The following NREP variants were observed in gnomAD, a reference collection of about 807,000 sequenced individuals.
NREP encodes neuronal regeneration-related protein.
NREP carries 5 observed loss-of-function variants against 8.6 expected under a neutral mutation model. That is an observed-to-expected ratio of 0.58 (90% CI 0.30 to 1.22). NREP has a LOEUF of 1.22. NREP is among the 50% of genes most tolerant of loss of function. The pLI is 0.07. For missense variants in NREP, 86 were observed against 82.5 expected, an observed-to-expected ratio of 1.04 and a Z score of -0.17; for synonymous variants, 27 against 28.0, an observed-to-expected ratio of 0.96 and a Z score of 0.11.
At chr5:111,913,828 G>A (rs1561724390) in intron 2 of NREP, among the ~76,000 whole-genome samples, 1 of 152,126 alleles carries the variant, frequency 6.6e-6, no homozygotes, top group African/African-American at 2.4e-5. Flanking sequence ...GATAAGAGAA[G>A]TAGAAGAGAA....
At chr5:111,917,642 T>A (rs1484535135) in intron 2 of NREP, among the ~76,000 whole-genome samples, 1 of 152,192 alleles carries the variant, frequency 6.6e-6, no homozygotes, top group Non-Finnish European at 1.5e-5. Flanking sequence ...GAAAAGGCCT[T>A]CGATAAAATC....
intron 2 of NREP, among the ~76,000 whole-genome samples, chr5:111,930,917 T>G (rs1365890723): frequency 6.6e-6 from 1 of 152,140 alleles, no homozygotes; most frequent in Non-Finnish European, 1.5e-5. Context: ...CACAATCCAC[T>G]TGTCCTGCTG....
intron 2 of NREP, among the ~76,000 whole-genome samples, chr5:111,749,599 T>G (rs184194859): frequency 1.3e-5 from 2 of 152,272 alleles, no homozygotes; most frequent in African/African-American, 2.4e-5. Context: ...ACATTTTCAA[T>G]AAGTATGGTT....
chr5:111,872,579 A>C (rs1458971733), intron 2 of NREP, among the ~76,000 whole-genome samples: 1 of 152,156 alleles, frequency 6.6e-6, no homozygotes, highest in Non-Finnish European at 1.5e-5. Flanking sequence ...TGTCTGTGCC[A>C]GCTGTAAGGC....
At chr5:111,861,023 G>A (rs1447189195) in intron 2 of NREP, among the ~76,000 whole-genome samples, 2 of 151,916 alleles carry the variant, frequency 1.3e-5, no homozygotes, top group African/African-American at 4.8e-5. Flanking sequence ...TAAAAACAAA[G>A]AAAAACCAAA....
chr5:111,953,613 T>C (rs868041016), intron 2 of NREP, among the ~76,000 whole-genome samples: 6 of 152,104 alleles, frequency 3.9e-5, no homozygotes, highest in Middle Eastern at 3.4e-3. Context: ...AAAGACATGG[T>C]CCCTGCCCTC....
At chr5:111,741,114 A>G (rs545607949) in intron 2 of NREP, among the ~76,000 whole-genome samples, 3 of 152,324 alleles carry the variant, frequency 2.0e-5, no homozygotes, top group South Asian at 2.1e-4. Flanking sequence ...CTATAGGGTT[A>G]AAGAATGCAC....
intron 2 of NREP, among the ~76,000 whole-genome samples, chr5:111,952,436 G>T (rs757484740): frequency 6.6e-6 from 1 of 152,084 alleles, no homozygotes; most frequent in African/African-American, 2.4e-5. Flanking sequence ...TCTTTATCTT[G>T]TGTTGGAATA....
chr5:111,961,201 C>T (rs763389244), intron 2 of NREP, among the ~76,000 whole-genome samples: 25 of 152,320 alleles, frequency 1.6e-4, no homozygotes, highest in Non-Finnish European at 3.1e-4. Flanking sequence ...TCCACTGATC[C>T]ATGAGCTGCA....
intron 2 of NREP, among the ~76,000 whole-genome samples, chr5:111,811,346 C>T (rs544020817): frequency 6.6e-6 from 1 of 152,280 alleles, no homozygotes; most frequent in South Asian, 2.1e-4. Flanking sequence ...TCTTCAACCT[C>T]GGCTTGCTAA....
At chr5:111,839,499 C>A (rs1013509039) in intron 2 of NREP, among the ~76,000 whole-genome samples, 1 of 152,052 alleles carries the variant, frequency 6.6e-6, no homozygotes, top group African/African-American at 2.4e-5. Context: ...TTGTCCTGGT[C>A]AGGTTACAGT....
chr5:111,853,950 G>A (rs966060999), intron 2 of NREP, among the ~76,000 whole-genome samples: 6 of 151,998 alleles, frequency 3.9e-5, no homozygotes, highest in African/African-American at 1.2e-4. Context: ...TGTGTCTGCC[G>A]GAACTGAAGA....
intron 2 of NREP, among the ~76,000 whole-genome samples, chr5:111,967,395 G>T (rs1256474015): frequency 6.6e-6 from 1 of 152,088 alleles, no homozygotes; most frequent in Non-Finnish European, 1.5e-5. Context: ...GTATTACACA[G>T]CTTCCTGATT....
intron 2 of NREP, among the ~76,000 whole-genome samples, chr5:111,736,249 TA>T (rs1438110875): frequency 6.6e-6 from 1 of 152,188 alleles, no homozygotes; most frequent in African/African-American, 2.4e-5. Context: ...GGGTCAGCTC[TA>T]AGGAAGAACT....
intron 2 of NREP, among the ~76,000 whole-genome samples, chr5:111,782,357 A>C (rs1751512440): frequency 6.6e-6 from 1 of 152,202 alleles, no homozygotes; most frequent in African/African-American, 2.4e-5. Context: ...AACCTAAAGC[A>C]CTTTGTTAGT....
intron 2 of NREP, among the ~76,000 whole-genome samples, chr5:111,866,701 T>G (rs1753672382): frequency 6.6e-6 from 1 of 152,118 alleles, no homozygotes; most frequent in African/African-American, 2.4e-5. Flanking sequence ...CACACGTATG[T>G]TTATTGCGGC....
chr5:111,774,074 G>A (rs1010690881), intron 2 of NREP, among the ~76,000 whole-genome samples: 1 of 152,128 alleles, frequency 6.6e-6, no homozygotes, highest in Admixed American at 6.5e-5. Context: ...AATTTAGACT[G>A]AAGCCTCAGG....
intron 2 of NREP, among the ~76,000 whole-genome samples, chr5:111,792,371 C>T (rs1751770069): frequency 6.6e-6 from 1 of 152,098 alleles, no homozygotes; most frequent in Admixed American, 6.6e-5. Flanking sequence ...TAGTTAAGAA[C>T]AAATTAACCC....
chr5:111,894,752 G>A lies in NREP; in HGVS notation c.135+80522C>T, dbSNP rs184671910. Among the ~76,000 whole-genome samples, 40 of 152,278 alleles carry A rather than the reference G, an allele frequency of 2.6e-4. No individual in the cohort carries two copies. The East Asian group carries it at 7.5e-3, about 29-fold the overall frequency. On this transcript the variant is annotated intron_variant, in intron 2 of 3. Transcript: ENST00000395634. Reference sequence around the variant, plus strand: ...CCATGATTGTTGATGCACAACAGCCGACAGCCCTATGGATGTGATCCTTAA... The same window carrying A: ...CCATGATTGTTGATGCACAACAGCCAACAGCCCTATGGATGTGATCCTTAA...
Sources: allele counts gnomAD v4.1 joint callset (sites outside exome capture counted in the v4.1 genomes callset), GRCh38; gene constraint gnomAD v4.1.1; transcripts MANE v1.5; gene names NCBI Gene and HGNC (gene_info 2026-07-23, HGNC 2026-07-21).